The following TRAPPC9 variants were observed in gnomAD, a reference collection of about 807,000 sequenced individuals.
TRAPPC9 encodes IKK2 binding protein.
A neutral mutation model predicts 124.0 loss-of-function variants in TRAPPC9; 83 were observed. The ratio of observed to expected loss-of-function variants is 0.67; its 90% confidence interval spans 0.56 to 0.80. TRAPPC9 has a LOEUF of 0.80. Among genes scored for constraint, TRAPPC9 ranks in the 30% least tolerant of loss-of-function variants. TRAPPC9 has a pLI of 0.00. For missense variants in TRAPPC9, 1,302 were observed against 1,508.3 expected (o/e 0.86, Z 2.27); for synonymous variants, 638 against 617.5 (o/e 1.03, Z -0.49).
chr8:140,068,444 G>C (rs1046193606), intron 17 of TRAPPC9, among the ~76,000 whole-genome samples: 2 of 152,152 alleles, frequency 1.3e-5, no homozygotes, highest in Non-Finnish European at 2.9e-5. Flanking sequence ...GCTTGGGCAG[G>C]CTGCACAAGT....
intron 17 of TRAPPC9, among the ~76,000 whole-genome samples, chr8:140,028,605 A>C (rs1233838078): frequency 6.6e-6 from 1 of 152,224 alleles, no homozygotes; most frequent in Admixed American, 6.5e-5. Flanking sequence ...ACTGTTTAGA[A>C]TAGCATTCAT....
intron 16 of TRAPPC9, among the ~76,000 whole-genome samples, chr8:140,231,481 C>CT (rs71320347): frequency 0.017 from 993 of 57,062 alleles, 179 homozygotes; most frequent in East Asian, 0.023. Flanking sequence ...ACTGCCTTTT[C>CT]TTTTTTTTTT....
chr8:140,287,139 A>G (rs959622178), intron 13 of TRAPPC9, among the ~76,000 whole-genome samples: 1 of 152,186 alleles, frequency 6.6e-6, no homozygotes, highest in African/African-American at 2.4e-5. Context: ...AAGGGCACTG[A>G]GGAGCGAATT....
At chr8:139,883,187 G>A (rs967918060) in intron 21 of TRAPPC9, among the ~76,000 whole-genome samples, 2 of 152,240 alleles carry the variant, frequency 1.3e-5, no homozygotes, top group Non-Finnish European at 2.9e-5. Flanking sequence ...GCTAGCACAT[G>A]AGTACGCTCA....
intron 10 of TRAPPC9, among the ~76,000 whole-genome samples, chr8:140,307,137 T>C (rs1335833608): frequency 6.6e-6 from 1 of 152,216 alleles, no homozygotes; most frequent in African/African-American, 2.4e-5. Context: ...AAGAAAGCAG[T>C]GTTCCTTTAC....
chr8:139,780,123 A>G (rs1315448604), intron 21 of TRAPPC9, among the ~76,000 whole-genome samples: 1 of 152,228 alleles, frequency 6.6e-6, no homozygotes, highest in Non-Finnish European at 1.5e-5. Flanking sequence ...TTAATGCAAT[A>G]CCAACCATAA....
chr8:140,136,292 C>T (rs1020688860), intron 17 of TRAPPC9, among the ~76,000 whole-genome samples: 2 of 152,120 alleles, frequency 1.3e-5, no homozygotes, highest in African/African-American at 2.4e-5. Context: ...TCAGGGGATC[C>T]GGGTGTGACC....
chr8:140,125,756 A>G (rs1415313922), intron 17 of TRAPPC9, among the ~76,000 whole-genome samples: 2 of 151,820 alleles, frequency 1.3e-5, no homozygotes, highest in Non-Finnish European at 1.5e-5. Context: ...CACCACACCC[A>G]GCTAATTTTT....
intron 9 of TRAPPC9, among the ~76,000 whole-genome samples, chr8:140,345,855 G>T (rs2067334053): frequency 6.6e-6 from 1 of 152,206 alleles, no homozygotes; most frequent in Non-Finnish European, 1.5e-5. Context: ...CGGGGCTGGG[G>T]TGGAGACTCC....
rs111700286 is a variant in TRAPPC9 at position 139,758,645 on chromosome 8, G to A, written c.3056-26443C>T. ...GCTCCCTGAAGGAGGGGTTGCCCCA[G>A]GGCAGGAGGACCTGTGCCACGAAGG... On this transcript the variant is annotated intron_variant, in intron 21 of 22. Coordinates refer to ENST00000438773, the MANE Select transcript of TRAPPC9 (RefSeq NM_001160372.4). Among the ~76,000 whole-genome samples, 131 of 152,334 alleles carry A rather than the reference G, an allele frequency of 8.6e-4. 1 individual carries two copies. Among genetic ancestry groups the A allele is most frequent in the African/African-American group, 3.0e-3 (123 of 41,578 alleles).
chr8:140,210,080 T>C (rs2063021236), intron 17 of TRAPPC9, among the ~76,000 whole-genome samples: 2 of 152,202 alleles, frequency 1.3e-5, no homozygotes, highest in South Asian at 2.1e-4. Context: ...CTCCTCGGCG[T>C]CACATCCCGA....
intron 20 of TRAPPC9, among the ~76,000 whole-genome samples, chr8:139,904,142 C>T (rs766408558): frequency 8.9e-4 from 135 of 152,308 alleles, no homozygotes; most frequent in Non-Finnish European, 1.7e-3. Context: ...GGTGTTCAGT[C>T]CAACCTCTGG....
chr8:140,186,270 G>A (rs2062352689), intron 17 of TRAPPC9, among the ~76,000 whole-genome samples: 1 of 152,126 alleles, frequency 6.6e-6, no homozygotes, highest in Non-Finnish European at 1.5e-5. Flanking sequence ...TTGCTCAATA[G>A]AACTACTTCT....
At chr8:139,950,441 T>A (rs1239429022) in intron 19 of TRAPPC9, among the ~76,000 whole-genome samples, 1 of 152,044 alleles carries the variant, frequency 6.6e-6, no homozygotes, top group African/African-American at 2.4e-5. Flanking sequence ...TTGTCCAGAG[T>A]GGTATTGCTG....
At chr8:139,738,307 C>T (rs1818334455) in intron 21 of TRAPPC9, among the ~76,000 whole-genome samples, 1 of 152,204 alleles carries the variant, frequency 6.6e-6, no homozygotes, top group African/African-American at 2.4e-5. Flanking sequence ...TCCTTCGCAA[C>T]AGAAGGGGTC....
intron 18 of TRAPPC9, among the ~76,000 whole-genome samples, chr8:140,001,750 T>C (rs116184281): frequency 4.9e-4 from 74 of 152,218 alleles, no homozygotes; most frequent in African/African-American, 1.7e-3. Flanking sequence ...CAAAAATCCA[T>C]CCAAGAAAGC....
At chr8:140,037,828 CAA>C (rs1379626397) in intron 17 of TRAPPC9, among the ~76,000 whole-genome samples, 1 of 145,238 alleles carries the variant, frequency 6.9e-6, no homozygotes, top group Non-Finnish European at 1.5e-5. Context: ...CACACATACC[CAA>C]CACACACCAA....
chr8:140,156,763 G>C (rs887948610), intron 17 of TRAPPC9, among the ~76,000 whole-genome samples: 2 of 152,248 alleles, frequency 1.3e-5, no homozygotes, highest in Non-Finnish European at 2.9e-5. Flanking sequence ...CAATATGAGG[G>C]CTGTCAGAGG....
At chr8:140,173,099 T>C (rs559366679) in intron 17 of TRAPPC9, among the ~76,000 whole-genome samples, 1 of 152,328 alleles carries the variant, frequency 6.6e-6, no homozygotes, top group South Asian at 2.1e-4. Flanking sequence ...CCATAGGGTC[T>C]GCATTTGTAC....
Sources: gnomAD v4.1 joint callset for allele counts (sites outside exome capture counted in the v4.1 genomes callset) on GRCh38, gnomAD v4.1.1 for gene constraint, MANE v1.5 for transcripts, NCBI Gene and HGNC (gene_info 2026-07-23, HGNC 2026-07-21) for gene names.